TCIRG1: variants seen among roughly 807,000 people sequenced by gnomAD.
TCIRG1 encodes the protein V-type proton ATPase 116 kDa subunit a 3.
Under a neutral mutation model 95.5 loss-of-function variants are expected in TCIRG1, and 86 were observed. The ratio of observed to expected loss-of-function variants is 0.90; its 90% CI spans 0.76 to 1.08. TCIRG1 has a LOEUF of 1.08. TCIRG1 is among the 50% of genes least tolerant of loss of function. TCIRG1 has a pLI of 0.00. For synonymous variants in TCIRG1, 499 were observed against 501.3 expected (o/e 1.00, Z 0.06); for missense variants, 1,069 against 1,140.2 (o/e 0.94, Z 0.90).
At chr11:68,052,008 G>A (rs1296358894), downstream of TCIRG1, 1 of 152,634 alleles carries the variant, frequency 6.6e-6, no homozygotes, top group Non-Finnish European at 1.5e-5. Context: ...GAGAAGTCCA[G>A]TTTGCCAAGA....
intron 5 of TCIRG1, 80 bp from the exon 6 acceptor site, chr11:68,043,291 G>A (rs1254255910): frequency 2.6e-6 from 4 of 1,511,596 alleles, no homozygotes; most frequent in Admixed American, 2.1e-5. Context: ...CCCGTGCTGG[G>A]CAGGGTCCTG....
At chr11:68,052,258 G>C (rs993893013), downstream of TCIRG1, 1 of 152,404 alleles carries the variant, frequency 6.6e-6, no homozygotes. Context: ...GAATGGCAGT[G>C]TCCTGGGTAG....
chr11:68,048,592 C>G (rs1009617136), intron 13 of TCIRG1, among the ~76,000 whole-genome samples: 1 of 152,200 alleles, frequency 6.6e-6, no homozygotes, highest in South Asian at 2.1e-4. Flanking sequence ...CCGCGCCCAG[C>G]CTGATTTTCT....
intron 2 of TCIRG1, 127 bp downstream of exon 2, chr11:68,041,515 C>A (rs1855164016): frequency 1.3e-6 from 1 of 786,858 alleles, no homozygotes; most frequent in Admixed American, 2.2e-5. Flanking sequence ...GCGGCCCCTG[C>A]CATGGGCACT....
At chr11:68,048,040 G>C in intron 13 of TCIRG1, 68 bp downstream of exon 13, 1 of 1,386,012 alleles carries the variant, frequency 7.2e-7, no homozygotes, top group Non-Finnish European at 1.0e-6. Context: ...GGCTCCCCTC[G>C]GTTCAGCCGT....
chr11:68,042,776 T>C lies in TCIRG1; in HGVS notation c.330T>C (p.Asp110=), dbSNP rs1199827924. The C allele has an allele frequency of 1.5e-5, 23 of 1,547,840 alleles. No homozygotes were observed. The highest frequency in any genetic ancestry group is 2.0e-5 in the Non-Finnish European group (23 of 1,146,462). Residue 110 remains aspartate (D), a synonymous_variant, in exon 4 of 20, where the codon GAT becomes GAC. Coordinates refer to ENST00000265686, the MANE Select transcript of TCIRG1 (RefSeq NM_006019.4). ...ETERLAQELR[D]VRGNQQALRA... is the part of the protein sequence containing the mutation. ...AGCGCCTGGCCCAGGAGCTGCGGGATGTGCGGGGCAACCAGCAGGCCCTGC... is the reference window on the plus strand; with the variant it reads ...AGCGCCTGGCCCAGGAGCTGCGGGACGTGCGGGGCAACCAGCAGGCCCTGC...
intron 13 of TCIRG1, 129 bp from the exon 14 acceptor site, chr11:68,048,749 TG>T: frequency 1.3e-6 from 1 of 797,320 alleles, no homozygotes; most frequent in Non-Finnish European, 2.2e-6. Context: ...CCTCGGTGGG[TG>T]GGTGATGGAT....
rs764673130 is a variant in TCIRG1 at position 68,047,404 on chromosome 11, G to A, written c.1166-29G>A. On this transcript the variant is annotated intron_variant, in intron 10 of 19. Transcript: ENST00000265686. Reference sequence around the variant, plus strand: ...GAGGCAGATGCTGGTGTGTTCGGGGGTTCCCAGCTCACCCACCTCTGCCCA... The same window carrying A: ...GAGGCAGATGCTGGTGTGTTCGGGGATTCCCAGCTCACCCACCTCTGCCCA... 19 of 1,612,922 alleles carry A rather than the reference G, an allele frequency of 1.2e-5. No homozygotes were observed. In the East Asian group the frequency reaches 3.6e-4, roughly 30 times the overall value.
At chr11:68,051,461 G>A (rs865961859), downstream of TCIRG1, among the ~76,000 whole-genome samples, 3 of 152,216 alleles carry the variant, frequency 2.0e-5, no homozygotes, top group African/African-American at 4.8e-5. Context: ...TCCTTCCTGC[G>A]TTGCTGGCAG....
intron 1 of TCIRG1, 137 bp from the exon 2 acceptor site, chr11:68,041,131 C>T (rs1027262419): frequency 1.4e-6 from 1 of 727,978 alleles, no homozygotes; most frequent in Non-Finnish European, 2.5e-6. Context: ...CCTGCCCAGG[C>T]CTCAGTTTCC....
In TCIRG1 at chr11:68,041,379, G is replaced by A; in HGVS notation, c.108G>A (p.Glu36=). The change falls in exon 2 of 20, where the codon GAG becomes GAA. Residue 36 remains glutamate, a synonymous_variant. Transcript: ENST00000265686. Reference sequence around the variant, plus strand: ...GGCTGGGCGAGCTGGGCCTCGTGGAGTTCAGAGACGTGAGTTGGGTGGGCA... The same window carrying A: ...GGCTGGGCGAGCTGGGCCTCGTGGAATTCAGAGACGTGAGTTGGGTGGGCA... The part of the protein sequence containing the change: ...VSRLGELGLV[E]FRDLNASVSA... 6.2e-7 allele frequency: 1 copy of A among 1,610,564 alleles called. No individual in the cohort carries two copies. The highest frequency in any genetic ancestry group is 1.7e-4 in the Middle Eastern group (1 of 6,002).
intron 10 of TCIRG1, chr11:68,047,068 T>TG: frequency 2.7e-6 from 1 of 365,166 alleles, no homozygotes; most frequent in Non-Finnish European, 5.2e-6. Context: ...TGGAGTGCAG[T>TG]GGCGCGAGCT....
Position 68,043,497 on chromosome 11 carries a change from G to T in TCIRG1, c.630G>T (p.Thr210=). The T allele has an allele frequency of 1.3e-6, 2 of 1,572,396 alleles. No individual in the cohort carries two copies. Among genetic ancestry groups the T allele is most frequent in the Non-Finnish European group, 8.6e-7 (1 of 1,159,282 alleles). The change falls in exon 6 of 20, where the codon ACG becomes ACT. Residue 210 remains threonine (T), a splice_region_variant and synonymous_variant. Transcript: ENST00000265686. ...AGCAGCCGCTGGAGCACCCCGTGAC[G>T]GTGAGCAGCTGGCGCTGGGCTGGGG... ...ELEQPLEHPV[T]GEPATWMTFL...
rs764230678 is a variant in TCIRG1 at position 68,041,328 on chromosome 11, A to C, written c.57A>C (p.Thr19=). ...EVALVQLFLP[T]AAAYTCVSRL... is the part of the protein sequence containing the mutation. ...CCCTGGTCCAGCTCTTTCTGCCCAC[A>C]GCGGCTGCCTACACCTGCGTGAGTC... Residue 19 remains threonine, a synonymous_variant, in exon 2 of 20, where the codon ACA becomes ACC. Coordinates refer to ENST00000265686, the MANE Select transcript of TCIRG1 (RefSeq NM_006019.4). 7.4e-6 allele frequency: 12 copies of C among 1,613,102 alleles called. No individual in the cohort carries two copies. The highest frequency in any genetic ancestry group is 1.0e-5 in the Non-Finnish European group (12 of 1,179,970).
rs1013345702 is a variant in TCIRG1 at position 68,042,667 on chromosome 11, G to A, written c.221G>A (p.Arg74Gln). 17 of 1,547,148 alleles carry A rather than the reference G, an allele frequency of 1.1e-5. No homozygotes were observed. The highest frequency in any genetic ancestry group is 2.3e-4 in the Middle Eastern group (1 of 4,370). The change falls in exon 4 of 20, where the codon CGG (arginine) becomes CAG (glutamine). Residue 74 changes from arginine (R) to glutamine (Q), a missense_variant. Physicochemically the swap from Arg to Gln is conservative, Grantham distance 43 (BLOSUM62 1). Coordinates refer to ENST00000265686, the MANE Select transcript of TCIRG1 (RefSeq NM_006019.4). ...GCCTTCCTGCAGGAGGAGGTGCGGC[G>A]GGCTGGGCTGGTCCTGCCCCCGCCA... ...TFTFLQEEVR[R>Q]AGLVLPPPKG...
rs769231419 is a variant in TCIRG1 at position 68,049,747 on chromosome 11, C to A, written c.1972C>A (p.Arg658Ser). Residue 658 changes from arginine to serine, a missense_variant, in exon 16 of 20, where the codon CGC becomes AGC. Physicochemically the swap from Arg to Ser is moderately radical, Grantham distance 110. Transcript: ENST00000265686. ...LLGTPLHLLH[R>S]HRRRLRRRPA... is the part of the protein sequence containing the mutation. Reference sequence around the variant, plus strand: ...TGGCACACCCCTGCACCTGCTGCACCGCCACCGCCGCCGCCTGCGGAGGAG... The same window carrying A: ...TGGCACACCCCTGCACCTGCTGCACAGCCACCGCCGCCGCCTGCGGAGGAG... 10 of 1,577,430 alleles carry A rather than the reference C, an allele frequency of 6.3e-6. No individual in the cohort carries two copies. In the South Asian group the frequency reaches 1.0e-4, roughly 16 times the overall value.
chr11:68,041,709 G>A (rs1855176428), intron 2 of TCIRG1, 44 bp from the exon 3 acceptor site: 4 of 1,535,752 alleles, frequency 2.6e-6, no homozygotes, highest in Non-Finnish European at 2.7e-6. Context: ...GGAGCTCCCT[G>A]ACCCCCTTCC....
intron 1 of TCIRG1, 98 bp from the exon 2 acceptor site, chr11:68,041,170 A>C: frequency 1.2e-6 from 1 of 842,810 alleles, no homozygotes; most frequent in Non-Finnish European, 2.1e-6. Context: ...TGGTAACAGC[A>C]GCTTCCAGGA....
rs2134444872 is a variant in TCIRG1 at position 68,044,991 on chromosome 11, A to C, written c.1054A>C (p.Ile352Leu). ...EEGVSAVAHR[I>L]PCRDMPPTLI... The stretch of plus-strand genomic sequence containing the variant: ...GGGAGTGAGTGCCGTGGCTCACCGC[A>C]TCCCCTGCCGGGACATGCCCCCCAC... Residue 352 changes from isoleucine to leucine, a missense_variant, in exon 10 of 20, where the codon ATC becomes CTC. Ile to Leu is a conservative substitution (Grantham distance 5, BLOSUM62 2). Transcript: ENST00000265686. 2 of 1,608,766 alleles carry C rather than the reference A, an allele frequency of 1.2e-6. No homozygotes were observed. Among genetic ancestry groups the C allele is most frequent in the South Asian group, 2.2e-5 (2 of 91,080 alleles).
Sources: allele counts gnomAD v4.1 joint callset (sites outside exome capture counted in the v4.1 genomes callset), GRCh38; gene constraint gnomAD v4.1.1; transcripts MANE v1.5; gene names NCBI Gene and HGNC (gene_info 2026-07-23, HGNC 2026-07-21).